The following TEAD1 variants were observed in gnomAD, a reference collection of about 807,000 sequenced individuals.
TEAD1 encodes transcriptional enhancer factor TEF-1.
In TEAD1, 9 loss-of-function variants were observed where a neutral mutation model predicts 54.9. The ratio of observed to expected loss-of-function variants is 0.16; its 90% CI spans 0.10 to 0.29. The LOEUF is 0.29. Ranked by LOEUF, TEAD1 falls within the 10% of genes least tolerant of loss-of-function variation. The pLI, the probability that TEAD1 is intolerant of heterozygous loss-of-function variation, is 1.00. For synonymous variants in TEAD1, 200 were observed against 187.8 expected (o/e 1.07, Z -0.53); for missense variants, 387 against 535.9 (o/e 0.72, Z 2.74).
intron 3 of TEAD1, among the ~76,000 whole-genome samples, chr11:12,780,879 C>T (rs2133947733): frequency 6.6e-6 from 1 of 152,086 alleles, no homozygotes; most frequent in East Asian, 1.9e-4. Context: ...AATTCAAGAC[C>T]CAGAATAGCC....
At chr11:12,855,512 T>A (rs1397892069) in intron 3 of TEAD1, among the ~76,000 whole-genome samples, 1 of 151,982 alleles carries the variant, frequency 6.6e-6, no homozygotes, top group African/African-American at 2.4e-5. Context: ...ATGGTCTTGA[T>A]CTCCTGACTG....
chr11:12,749,993 G>C (rs1944833846), intron 2 of TEAD1, among the ~76,000 whole-genome samples: 1 of 152,172 alleles, frequency 6.6e-6, no homozygotes, highest in African/African-American at 2.4e-5. Context: ...TTTTGCATCT[G>C]CTCCATCACC....
chr11:12,728,112 G>A (rs1317520223), intron 2 of TEAD1, among the ~76,000 whole-genome samples: 1 of 152,134 alleles, frequency 6.6e-6, no homozygotes, highest in Non-Finnish European at 1.5e-5. Flanking sequence ...CCAAGCCGTA[G>A]TAGAGGTGAG....
chr11:12,885,760 A>G (rs763578741), intron 9 of TEAD1, among the ~76,000 whole-genome samples: 40 of 152,332 alleles, frequency 2.6e-4, no homozygotes, highest in Middle Eastern at 3.4e-3. Context: ...CTCTCCAGTT[A>G]TGGACCTCTT....
intron 5 of TEAD1, among the ~76,000 whole-genome samples, chr11:12,871,160 C>A (rs1295528948): frequency 2.6e-5 from 4 of 152,202 alleles, no homozygotes; most frequent in Non-Finnish European, 5.9e-5. Flanking sequence ...TATGGAATAT[C>A]CATTTAAAAA....
At chr11:12,904,633 T>C (rs1475064473) in intron 10 of TEAD1, among the ~76,000 whole-genome samples, 1 of 152,222 alleles carries the variant, frequency 6.6e-6, no homozygotes, top group African/African-American at 2.4e-5. Context: ...GTCTCACTAA[T>C]TTTTTAAAAA....
intron 6 of TEAD1, among the ~76,000 whole-genome samples, chr11:12,880,596 T>C (rs1947945030): frequency 6.6e-6 from 1 of 152,218 alleles, no homozygotes. Flanking sequence ...TGTTCAAGCT[T>C]TGTCCTCTGC....
At position 12,750,036 on chromosome 11, in the gene TEAD1, G is replaced by A. The variant is rs149717749; in HGVS notation, c.-54-14143G>A. 7.9e-3 allele frequency among the ~76,000 whole-genome samples: 1,196 copies of A among 152,250 alleles called. 21 individuals are homozygous for A. Among genetic ancestry groups the A allele is most frequent in the African/African-American group, 0.028 (1,143 of 41,548 alleles). Reference sequence around the variant, plus strand: ...CATTAAATGGAAGATTATATTTGTCGTTTAAAGGGTGGGGACTTGCTTGTG... The same window carrying A: ...CATTAAATGGAAGATTATATTTGTCATTTAAAGGGTGGGGACTTGCTTGTG... On this transcript the variant is annotated intron_variant, in intron 2 of 12. Transcript: ENST00000527636.
intron 10 of TEAD1, among the ~76,000 whole-genome samples, chr11:12,917,833 A>G (rs780018445): frequency 2.0e-5 from 3 of 152,132 alleles, no homozygotes; most frequent in Non-Finnish European, 4.4e-5. Context: ...CCCCAGCCAT[A>G]TTTCTAAGTG....
chr11:12,931,579 GT>G (rs1295740745), intron 12 of TEAD1, among the ~76,000 whole-genome samples: 1 of 151,994 alleles, frequency 6.6e-6, no homozygotes, highest in Admixed American at 6.6e-5. Context: ...GTTTTGTTTT[GT>G]TTTGTTTTTG....
chr11:12,877,820 A>C (rs951520346), intron 5 of TEAD1, among the ~76,000 whole-genome samples: 1 of 111,274 alleles, frequency 9.0e-6, no homozygotes, highest in African/African-American at 3.5e-5. Context: ...TTTCTGATGG[A>C]GTCTTGCTCT....
At chr11:12,716,433 C>G (rs959837869) in intron 2 of TEAD1, among the ~76,000 whole-genome samples, 6 of 152,176 alleles carry the variant, frequency 3.9e-5, no homozygotes, top group Admixed American at 3.3e-4. Flanking sequence ...AATCCCTGGA[C>G]CTGAACCTGT....
intron 3 of TEAD1, among the ~76,000 whole-genome samples, chr11:12,856,062 T>C (rs1217308400): frequency 6.6e-6 from 1 of 152,050 alleles, no homozygotes; most frequent in Non-Finnish European, 1.5e-5. Context: ...TGCTTTGTGC[T>C]GATGCCGGCA....
In TEAD1 at chr11:12,938,902, A is replaced by G. The variant is rs1247445417; in HGVS notation, c.*1680A>G. 2 of 152,276 alleles carry G rather than the reference A, an allele frequency of 1.3e-5. No individual in the cohort carries two copies. Among genetic ancestry groups the G allele is most frequent in the African/African-American group, 4.8e-5 (2 of 41,474 alleles). The allele number at this position is 152,276 out of a possible 1,614,324, so 9.4% of individuals were successfully genotyped here. A position where few individuals can be genotyped will look rare whatever the true frequency, so the allele number is the denominator to read the frequency against. Reference sequence around the variant, plus strand: ...GTTTTTTAACTTGTAAAACATGTCAAGATTTTTCCACCAAGCTAGAAAATA... The same window carrying G: ...GTTTTTTAACTTGTAAAACATGTCAGGATTTTTCCACCAAGCTAGAAAATA... On this transcript the variant is annotated 3_prime_UTR_variant, in exon 13 of 13. Coordinates refer to ENST00000527636, the MANE Select transcript of TEAD1 (RefSeq NM_021961.6).
At position 12,792,996 on chromosome 11, in the gene TEAD1, A is replaced by T. The variant is rs369909390; in HGVS notation, c.202+28562A>T. Among the ~76,000 whole-genome samples the T allele has an allele frequency of 2.0e-5, 3 of 151,680 alleles. No individual in the cohort carries two copies. In the East Asian group the frequency reaches 5.8e-4, roughly 29 times the overall value. On this transcript the variant is annotated intron_variant, in intron 3 of 12. Coordinates refer to ENST00000527636, the MANE Select transcript of TEAD1 (RefSeq NM_021961.6). The stretch of plus-strand genomic sequence containing the variant: ...TGAGCCAGGAGTTTGGGGCTGTAGT[A>T]TGCCATGCTCACACCTGTATAGCCA...
At chr11:12,793,937 A>G (rs1945860058) in intron 3 of TEAD1, among the ~76,000 whole-genome samples, 1 of 152,236 alleles carries the variant, frequency 6.6e-6, no homozygotes, top group African/African-American at 2.4e-5. Flanking sequence ...GAAATGCATT[A>G]CTTTGAAGAA....
At chr11:12,850,399 G>A (rs1947250336) in intron 3 of TEAD1, among the ~76,000 whole-genome samples, 1 of 152,200 alleles carries the variant, frequency 6.6e-6, no homozygotes, top group Non-Finnish European at 1.5e-5. Flanking sequence ...TCGTGCCATT[G>A]CTCTCCAGCC....
intron 3 of TEAD1, among the ~76,000 whole-genome samples, chr11:12,776,417 TG>T (rs1315549351): frequency 1.3e-5 from 2 of 152,070 alleles, no homozygotes; most frequent in African/African-American, 4.8e-5. Flanking sequence ...CCTAGAGGGT[TG>T]GGGGCTTCTC....
rs1305319131 is a variant in TEAD1 at position 12,904,806 on chromosome 11, A to G, written c.873+2693A>G. ...GCAAAAGGTCTTTGAGGTCCTCAAT[A>G]ATTTATTTGGTCCTGTTTGCAGTAT... On this transcript the variant is annotated intron_variant, in intron 10 of 12. Transcript: ENST00000527636. The G allele has an allele frequency of 2.4e-5, 7 of 295,854 alleles. No individual in the cohort carries two copies. In the East Asian group the frequency reaches 6.3e-4, roughly 26 times the overall value. 18.3% of individuals were successfully genotyped at this position (295,854 alleles called of 1,614,324 possible).
Sources: allele counts gnomAD v4.1 joint callset (sites outside exome capture counted in the v4.1 genomes callset), GRCh38; gene constraint gnomAD v4.1.1; transcripts MANE v1.5; gene names NCBI Gene and HGNC (gene_info 2026-07-23, HGNC 2026-07-21).